RAB11FIP1: variants seen among roughly 807,000 people sequenced by gnomAD.
The protein encoded by RAB11FIP1 is RAB11 family interacting protein 1, also known as rab11 family-interacting protein 1.
In RAB11FIP1, 49 loss-of-function variants were observed where a neutral mutation model predicts 83.1. That is an observed-to-expected ratio of 0.59 (90% CI 0.47 to 0.75). The LOEUF (loss-of-function observed/expected upper bound fraction) is 0.75, where lower values mean the gene tolerates loss of function less well. Among genes scored for constraint, RAB11FIP1 ranks in the 30% least tolerant of loss-of-function variants. The probability of loss-of-function intolerance (pLI) is 0.00; values close to 1 mark genes in which losing one functional copy is unlikely to be tolerated. For synonymous variants in RAB11FIP1, 670 were observed against 656.0 expected (o/e 1.02, Z -0.33); for missense variants, 1,536 against 1,598.7 (o/e 0.96, Z 0.67).
intron 2 of RAB11FIP1, among the ~76,000 whole-genome samples, chr8:37,876,663 CAG>C (rs1385702353): frequency 6.8e-6 from 1 of 147,638 alleles, no homozygotes. Context: ...TTTTTTGAGA[CAG>C]AGTCTCACTC....
chr8:37,874,160 A>C (rs182953396), intron 3 of RAB11FIP1, among the ~76,000 whole-genome samples: 2 of 152,374 alleles, frequency 1.3e-5, no homozygotes, highest in African/African-American at 4.8e-5. Context: ...ATGTGAGATA[A>C]GAACTTCGAA....
intron 1 of RAB11FIP1, among the ~76,000 whole-genome samples, chr8:37,886,442 C>G (rs561072297): frequency 7.4e-4 from 113 of 152,344 alleles, no homozygotes; most frequent in Middle Eastern, 3.4e-3. Flanking sequence ...GTATTAAACA[C>G]AGGTCTCCAG....
chr8:37,871,519 C>T lies in RAB11FIP1; in HGVS notation c.3283G>A (p.Val1095Ile), dbSNP rs1409110620. 1.2e-6 allele frequency: 2 copies of T among 1,609,914 alleles called. No homozygotes were observed. Among genetic ancestry groups the T allele is most frequent in the Admixed American group, 3.4e-5 (2 of 59,596 alleles). ...ATCTCAGAAGGGGAGGGGCTGGGTA[C>T]AGGATTGTCCAGGGATGTGCCAGGA... ...PPPGTSLDNPVPSPSPSEIFP... is the reference protein window; with the variant it reads ...PPPGTSLDNPIPSPSPSEIFP... Residue 1095 changes from valine to isoleucine, a missense_variant, in exon 4 of 6, where the codon GTA becomes ATA. Transcript: ENST00000330843.
rs1806489017 is a variant in RAB11FIP1, at chr8:37,872,401, C to T, written c.2401G>A (p.Asp801Asn). ...LEEMGLNLRKDQKKTKKRVSF... is the reference protein window; with the variant it reads ...LEEMGLNLRKNQKKTKKRVSF... ...ACACGCTTCTTGGTTTTCTTCTGGT[C>T]CTTGCGGAGGTTCAGACCCATCTCT... Residue 801 changes from aspartate (D) to asparagine (N), a missense_variant, in exon 4 of 6, where the codon GAC (aspartate) becomes AAC (asparagine). Physicochemically the swap from Asp to Asn is conservative, Grantham distance 23. Coordinates refer to ENST00000330843, the MANE Select transcript of RAB11FIP1 (RefSeq NM_001002814.3). 6.2e-7 allele frequency: 1 copy of T among 1,614,186 alleles called. No individual in the cohort carries two copies. Among genetic ancestry groups the T allele is most frequent in the Non-Finnish European group, 8.5e-7 (1 of 1,180,032 alleles).
Position 37,874,722 on chromosome 8 carries a change from G to A in RAB11FIP1, c.1415C>T (p.Pro472Leu), listed in dbSNP as rs139424239. 272 of 1,614,066 alleles carry A rather than the reference G, an allele frequency of 1.7e-4. No homozygotes were observed. In the African/African-American group the frequency reaches 2.7e-3, roughly 16 times the overall value. The change falls in exon 3 of 6, where the codon CCG becomes CTG. Residue 472 changes from proline (P) to leucine (L), a missense_variant. By Grantham distance (98) the Pro-to-Leu change is moderately conservative. Coordinates refer to ENST00000330843, the MANE Select transcript of RAB11FIP1 (RefSeq NM_001002814.3). ...AGCAGGCCCCGATGCGTCCTCCCCC[G>A]GCTTAACCCCCATCAGCATGCCTTC... ...EKEGMLMGVK[P>L]GEDASGPAED...
chr8:37,889,072 C>T (rs1242414838), intron 1 of RAB11FIP1, among the ~76,000 whole-genome samples: 5 of 152,166 alleles, frequency 3.3e-5, no homozygotes, highest in Admixed American at 3.3e-4. Context: ...GCTGGGATTA[C>T]AGGCATGAGC....
At position 37,874,934 on chromosome 8, in the gene RAB11FIP1, G is replaced by A; in HGVS notation, c.1203C>T (p.Ala401=). 6.2e-7 allele frequency: 1 copy of A among 1,614,148 alleles called. No individual in the cohort carries two copies. Among genetic ancestry groups the A allele is most frequent in the Non-Finnish European group, 8.5e-7 (1 of 1,180,032 alleles). The change falls in exon 3 of 6, where the codon GCC becomes GCT. Residue 401 remains alanine, a synonymous_variant. Transcript: ENST00000330843. The stretch of plus-strand genomic sequence containing the variant: ...CCCTGAGGTCCCCACTGACCAGTGG[G>A]GCAGGTCGGTAGGACGGCAGGGTCA... The part of the protein sequence containing the change: ...KSMTLPSYRP[A]PLVSGDLREN...
At position 37,877,041 on chromosome 8, in the gene RAB11FIP1, C is replaced by A; in HGVS notation, c.814+68G>T. On this transcript the variant is annotated intron_variant, in intron 2 of 5. Transcript: ENST00000330843. ...TCTTTCTCTTGAGATTTGTCTGTTT[C>A]TTCTCTCTCAGAACGAAGCATGGTA... 3 of 1,150,008 alleles carry A rather than the reference C, an allele frequency of 2.6e-6. No homozygotes were observed. The South Asian group carries it at 4.3e-5, about 16-fold the overall frequency. 71.2% of individuals were successfully genotyped at this position (1,150,008 alleles called of 1,614,324 possible). A position where few individuals can be genotyped will look rare whatever the true frequency, so the allele number is the denominator to read the frequency against.
At chr8:37,881,801 G>A (rs2130171724) in intron 1 of RAB11FIP1, among the ~76,000 whole-genome samples, 1 of 152,154 alleles carries the variant, frequency 6.6e-6, no homozygotes, top group Middle Eastern at 3.4e-3. Flanking sequence ...GGCTCAAGTG[G>A]AAAATGCAAG....
chr8:37,880,359 C>T (rs1313468492), intron 1 of RAB11FIP1, among the ~76,000 whole-genome samples: 3 of 152,202 alleles, frequency 2.0e-5, no homozygotes, highest in Admixed American at 1.3e-4. Context: ...AGTGCAATGG[C>T]GCGATCTCGG....
rs893627323 is a variant in RAB11FIP1, at chr8:37,861,683, A to G, written c.*1212T>C. On this transcript the variant is annotated 3_prime_UTR_variant, in exon 6 of 6. Transcript: ENST00000330843. ...GGCTCGCTGCAGCCTCCATCTCCCA[A>G]GTTCAAGCAATTCTCCTGCCCCAGC... 3 of 399,136 alleles carry G rather than the reference A, an allele frequency of 7.5e-6. No individual in the cohort carries two copies. Among genetic ancestry groups the G allele is most frequent in the African/African-American group, 2.1e-5 (1 of 46,512 alleles). The allele number at this position is 399,136 out of a possible 1,614,324, so 24.7% of individuals were successfully genotyped here. A position where few individuals can be genotyped will look rare whatever the true frequency, so the allele number is the denominator to read the frequency against.
chr8:37,871,449 G>T lies in RAB11FIP1; in HGVS notation c.3353C>A (p.Thr1118Asn). Residue 1118 changes from threonine (T) to asparagine (N), a missense_variant, in exon 4 of 6, where the codon ACT (threonine) becomes AAT (asparagine). By Grantham distance (65) the Thr-to-Asn change is moderately conservative. Coordinates refer to ENST00000330843, the MANE Select transcript of RAB11FIP1 (RefSeq NM_001002814.3). ...HSFPSSAHSD[T>N]HHTSTAESQK... Reference sequence around the variant, plus strand: ...AGATTCTGCTGTGCTGGTGTGGTGAGTGTCAGAATGTGCAGAGCTGGGGAA... The same window carrying T: ...AGATTCTGCTGTGCTGGTGTGGTGATTGTCAGAATGTGCAGAGCTGGGGAA... The T allele has an allele frequency of 1.9e-6, 3 of 1,614,150 alleles. No individual in the cohort carries two copies. The highest frequency in any genetic ancestry group is 2.5e-6 in the Non-Finnish European group (3 of 1,180,022).
At chr8:37,875,407 A>G in intron 2 of RAB11FIP1, 85 bp from the exon 3 acceptor site, 1 of 1,027,794 alleles carries the variant, frequency 9.7e-7, no homozygotes, top group East Asian at 2.4e-5. Flanking sequence ...GTCTGGATAC[A>G]TTTCTGGTTG....
In RAB11FIP1 at chr8:37,872,065, T is replaced by C. The variant is rs1806478164; in HGVS notation, c.2737A>G (p.Met913Val). 3.1e-6 allele frequency: 5 copies of C among 1,614,016 alleles called. No homozygotes were observed. Among genetic ancestry groups the C allele is most frequent in the East Asian group, 2.2e-5 (1 of 44,862 alleles). ...GTCACAAGGGCATCCTCTCCCTCCA[T>C]CCTAAAGAGTGGAGTGTCTTTCGCT... Reference protein sequence around the residue: ...SSAKDTPLFRMEGEDALVTQY... With the variant: ...SSAKDTPLFRVEGEDALVTQY... Residue 913 changes from methionine (M) to valine (V), a missense_variant, in exon 4 of 6, where the codon ATG becomes GTG. Physicochemically the swap from Met to Val is conservative, Grantham distance 21. Coordinates refer to ENST00000330843, the MANE Select transcript of RAB11FIP1 (RefSeq NM_001002814.3).
At chr8:37,892,516 G>T (rs887805422) in intron 1 of RAB11FIP1, among the ~76,000 whole-genome samples, 7 of 151,512 alleles carry the variant, frequency 4.6e-5, no homozygotes, top group African/African-American at 1.7e-4. Flanking sequence ...GTGCAATGGC[G>T]CAGTCTCAGC....
In RAB11FIP1 at chr8:37,861,699, CT is replaced by C; in HGVS notation, c.*1195del. 5.1e-6 allele frequency: 2 copies of C among 389,558 alleles called. No homozygotes were observed. The highest frequency in any genetic ancestry group is 3.7e-5 in the South Asian group (2 of 53,406). The allele number at this position is 389,558 out of a possible 1,614,324, so 24.1% of individuals were successfully genotyped here. On this transcript the variant is annotated 3_prime_UTR_variant, in exon 6 of 6. Coordinates refer to ENST00000330843, the MANE Select transcript of RAB11FIP1 (RefSeq NM_001002814.3). ...CATCTCCCAAGTTCAAGCAATTCTC[CT>C]GCCCCAGCCTCCCGAGTAGCTGGGA...
At chr8:37,887,341 G>A (rs1199662724) in intron 1 of RAB11FIP1, among the ~76,000 whole-genome samples, 2 of 151,982 alleles carry the variant, frequency 1.3e-5, no homozygotes, top group East Asian at 3.9e-4. Context: ...GACCAGCCTG[G>A]CCAACATGGT....
At chr8:37,885,244 C>A (rs1040550634) in intron 1 of RAB11FIP1, among the ~76,000 whole-genome samples, 7 of 151,770 alleles carry the variant, frequency 4.6e-5, no homozygotes, top group Non-Finnish European at 8.8e-5. Context: ...ATCCGTCCAC[C>A]TTGGCCTCCC....
chr8:37,872,153 A>G lies in RAB11FIP1; in HGVS notation c.2649T>C (p.Asp883=). ...CCTCCTGGGAGGGGAGGAGGAGGTGATCCGCTGGGGAGGCTGGCGCACCAC... is the reference window on the plus strand; with the variant it reads ...CCTCCTGGGAGGGGAGGAGGAGGTGGTCCGCTGGGGAGGCTGGCGCACCAC... ...ATCGAPASPA[D]HLLLPSQEES... The change falls in exon 4 of 6, where the codon GAT becomes GAC. Residue 883 remains aspartate (D), a synonymous_variant. Coordinates refer to ENST00000330843, the MANE Select transcript of RAB11FIP1 (RefSeq NM_001002814.3). 1 of 1,613,910 alleles carries G rather than the reference A, an allele frequency of 6.2e-7. No individual in the cohort carries two copies.
Sources: allele counts gnomAD v4.1 joint callset (sites outside exome capture counted in the v4.1 genomes callset), GRCh38; gene constraint gnomAD v4.1.1; transcripts MANE v1.5; gene names NCBI Gene and HGNC (gene_info 2026-07-23, HGNC 2026-07-21).